The following ATP8B4 variants were observed in gnomAD, a reference collection of about 807,000 sequenced individuals.
The protein encoded by ATP8B4 is probable phospholipid-transporting ATPase IM.
A neutral mutation model predicts 145.6 loss-of-function variants in ATP8B4; 133 were observed. The ratio of observed to expected loss-of-function variants is 0.91; its 90% CI spans 0.79 to 1.05. ATP8B4 has a LOEUF of 1.05. Among genes scored for constraint, ATP8B4 ranks in the 50% least tolerant of loss-of-function variants. The pLI is 0.00. For missense variants in ATP8B4, 1,458 were observed against 1,425.2 expected (o/e 1.02, Z -0.37); for synonymous variants, 507 against 492.9 (o/e 1.03, Z -0.38).
intron 3 of ATP8B4, among the ~76,000 whole-genome samples, chr15:50,066,786 T>C (rs571754309): frequency 1.3e-5 from 2 of 152,190 alleles, no homozygotes; most frequent in Non-Finnish European, 2.9e-5. Context: ...TCTTTCTTTT[T>C]TTTACAGTTT....
At chr15:50,019,365 T>A (rs1419569216) in intron 6 of ATP8B4, among the ~76,000 whole-genome samples, 2 of 152,184 alleles carry the variant, frequency 1.3e-5, no homozygotes, top group African/African-American at 4.8e-5. Flanking sequence ...CCGGCTCTTA[T>A]CAACCCCTCA....
rs1427473688 is a variant in ATP8B4 at position 49,987,499 on chromosome 15, T to C, written c.640A>G (p.Ile214Val). 1 of 1,613,776 alleles carries C rather than the reference T, an allele frequency of 6.2e-7. No individual in the cohort carries two copies. The highest frequency in any genetic ancestry group is 1.7e-5 in the Admixed American group (1 of 60,010). Residue 214 changes from isoleucine to valine, a missense_variant, in exon 10 of 28, where the codon ATC (isoleucine) becomes GTC (valine). By Grantham distance (29) the Ile-to-Val change is conservative (BLOSUM62 3). Transcript: ENST00000284509. ...PNNKLDKFMG[I>V]LSWKDSKHSL... ...TGCTTGCTGTCTTTCCAAGAAAGGA[T>C]TCCCATGAATTTATCTAACTTGTTG...
chr15:50,137,246 AG>A (rs2044135224), intron 1 of ATP8B4, among the ~76,000 whole-genome samples: 1 of 152,246 alleles, frequency 6.6e-6, no homozygotes, highest in African/African-American at 2.4e-5. Flanking sequence ...GGGTTACCCA[AG>A]TGGAGTTACC....
intron 14 of ATP8B4, among the ~76,000 whole-genome samples, chr15:49,948,145 G>C (rs1246576780): frequency 1.3e-5 from 2 of 152,022 alleles, no homozygotes; most frequent in Non-Finnish European, 2.9e-5. Context: ...AAATGTAAAA[G>C]TCTCTGCTCA....
At chr15:50,037,036 G>A (rs563906473) in intron 6 of ATP8B4, among the ~76,000 whole-genome samples, 4 of 152,158 alleles carry the variant, frequency 2.6e-5, no homozygotes, top group South Asian at 4.1e-4. Flanking sequence ...CCATGTGTGG[G>A]AGACATATAG....
rs1031158608 is a variant in ATP8B4, at chr15:50,085,163, C to G, written c.29-10978G>C. 2.6e-5 allele frequency among the ~76,000 whole-genome samples: 4 copies of G among 152,322 alleles called. No individual in the cohort carries two copies. In the East Asian group the frequency reaches 7.7e-4, roughly 29 times the overall value. ...CCATTACCTCCCTGGCCTCACATCA[C>G]CACCAGAGGCCAAGTTACCATGAAG... On this transcript the variant is annotated intron_variant, in intron 2 of 27. Coordinates refer to ENST00000284509, the MANE Select transcript of ATP8B4 (RefSeq NM_024837.4).
intron 12 of ATP8B4, 87 bp downstream of exon 12, chr15:49,979,530 T>C: frequency 1.8e-6 from 2 of 1,129,288 alleles, no homozygotes; most frequent in African/African-American, 3.1e-5. Context: ...AAGACATCTA[T>C]TGCACTGCTG....
chr15:49,955,716 G>A (rs2043503082), intron 14 of ATP8B4, among the ~76,000 whole-genome samples: 1 of 152,132 alleles, frequency 6.6e-6, no homozygotes, highest in East Asian at 1.9e-4. Context: ...ATCCTGTCAT[G>A]CTACAATATG....
intron 20 of ATP8B4, among the ~76,000 whole-genome samples, chr15:49,910,899 T>G (rs1324901092): frequency 1.3e-5 from 2 of 151,974 alleles, no homozygotes; most frequent in Non-Finnish European, 2.9e-5. Flanking sequence ...ACAAAATAAT[T>G]GAGGGAATCC....
At chr15:50,041,356 C>T (rs1445193136) in intron 5 of ATP8B4, among the ~76,000 whole-genome samples, 7 of 152,310 alleles carry the variant, frequency 4.6e-5, no homozygotes, top group African/African-American at 1.7e-4. Flanking sequence ...TTTGAAAAGA[C>T]ATAATGAGAT....
At chr15:49,927,480 C>T (rs2040834499) in intron 16 of ATP8B4, among the ~76,000 whole-genome samples, 1 of 151,816 alleles carries the variant, frequency 6.6e-6, no homozygotes, top group African/African-American at 2.4e-5. Context: ...TGGTAGAGTC[C>T]CTCTAAAAAT....
At chr15:50,034,915 G>C (rs754621573) in intron 6 of ATP8B4, among the ~76,000 whole-genome samples, 1 of 152,158 alleles carries the variant, frequency 6.6e-6, no homozygotes, top group Non-Finnish European at 1.5e-5. Context: ...ATTGGTACTC[G>C]CAGACTTGCC....
chr15:50,124,275 C>T (rs1267395909), intron 1 of ATP8B4, among the ~76,000 whole-genome samples: 1 of 152,122 alleles, frequency 6.6e-6, no homozygotes, highest in Non-Finnish European at 1.5e-5. Flanking sequence ...ATTTCCCCAC[C>T]AATTACTTAA....
chr15:49,994,703 G>A (rs1368257280), intron 9 of ATP8B4, among the ~76,000 whole-genome samples: 3 of 152,028 alleles, frequency 2.0e-5, no homozygotes, highest in Non-Finnish European at 4.4e-5. Context: ...CTTAACCCCA[G>A]TCCTGCAGTT....
intron 10 of ATP8B4, among the ~76,000 whole-genome samples, chr15:49,982,244 T>C (rs772140877): frequency 2.0e-5 from 3 of 152,234 alleles, no homozygotes; most frequent in Admixed American, 6.5e-5. Flanking sequence ...CTTTTCTTTA[T>C]GTAAAAGAAA....
intron 1 of ATP8B4, among the ~76,000 whole-genome samples, chr15:50,163,500 G>T (rs1172298217): frequency 6.6e-6 from 1 of 152,214 alleles, no homozygotes; most frequent in Non-Finnish European, 1.5e-5. Flanking sequence ...GTCTCACTCA[G>T]CTGAGTTGCC....
At chr15:50,130,923 C>G (rs1346344516) in intron 1 of ATP8B4, among the ~76,000 whole-genome samples, 2 of 152,064 alleles carry the variant, frequency 1.3e-5, no homozygotes, top group South Asian at 4.1e-4. Context: ...AATTTATAAA[C>G]AAAAGAGGTG....
intron 6 of ATP8B4, among the ~76,000 whole-genome samples, chr15:50,024,285 G>GA (rs747136134): frequency 3.9e-3 from 583 of 149,824 alleles, no homozygotes; most frequent in East Asian, 0.013. Flanking sequence ...ACTGAGCCTA[G>GA]AAAGAAAAAA....
chr15:50,096,427 G>A (rs887958259), intron 2 of ATP8B4, among the ~76,000 whole-genome samples: 4 of 152,102 alleles, frequency 2.6e-5, no homozygotes, highest in African/African-American at 7.2e-5. Flanking sequence ...AGTTAAAGCA[G>A]CACACAAACT....
Sources: gnomAD v4.1 joint callset for allele counts (sites outside exome capture counted in the v4.1 genomes callset) on GRCh38, gnomAD v4.1.1 for gene constraint, MANE v1.5 for transcripts, NCBI Gene and HGNC (gene_info 2026-07-23, HGNC 2026-07-21) for gene names.